The following WIPF1 variants were observed in gnomAD, a reference collection of about 807,000 sequenced individuals.
WIPF1 encodes WAS/WASL-interacting protein family member 1.
Under a neutral mutation model 35.4 loss-of-function variants are expected in WIPF1, and 13 were observed. The ratio of observed to expected loss-of-function variants is 0.37; its 90% CI spans 0.24 to 0.58. The LOEUF is 0.58. Ranked by LOEUF, WIPF1 falls within the 20% of genes least tolerant of loss-of-function variation. The pLI, the probability that WIPF1 is intolerant of heterozygous loss-of-function variation, is 0.74. For missense variants in WIPF1, 591 were observed against 667.0 expected, an observed-to-expected ratio of 0.89 and a Z score of 1.25; for synonymous variants, 267 against 266.3, an observed-to-expected ratio of 1.00 and a Z score of -0.02.
At chr2:174,651,726 C>T (rs766618358) in intron 1 of WIPF1, among the ~76,000 whole-genome samples, 59 of 152,242 alleles carry the variant, frequency 3.9e-4, no homozygotes, top group Non-Finnish European at 7.8e-4. Context: ...CAGTTATCTA[C>T]TGCTGCATAA....
chr2:174,651,390 C>T (rs755872861), intron 1 of WIPF1, among the ~76,000 whole-genome samples: 1 of 152,114 alleles, frequency 6.6e-6, no homozygotes, highest in African/African-American at 2.4e-5. Context: ...CATCACCGAG[C>T]AAAGTTGTTG....
rs1574778757 is a variant in WIPF1, at chr2:174,562,546, A to T, written c.*1T>A. ...CTTGGGTAGAGAAGAGCAGGCAAAGATCACCTCGGGATGGGAGGGAGTGGT... is the reference window on the plus strand; with the variant it reads ...CTTGGGTAGAGAAGAGCAGGCAAAGTTCACCTCGGGATGGGAGGGAGTGGT... On this transcript the variant is annotated 3_prime_UTR_variant, in exon 8 of 8. Transcript: ENST00000679041. 6.2e-7 allele frequency: 1 copy of T among 1,614,170 alleles called. No homozygotes were observed. The highest frequency in any genetic ancestry group is 8.5e-7 in the Non-Finnish European group (1 of 1,180,016).
chr2:174,633,808 C>T (rs1687102945), intron 1 of WIPF1, among the ~76,000 whole-genome samples: 1 of 152,164 alleles, frequency 6.6e-6, no homozygotes, highest in South Asian at 2.1e-4. Flanking sequence ...CTCTTCACGG[C>T]CTGCTGGGCT....
At chr2:174,597,064 A>G (rs1337700422) in intron 1 of WIPF1, among the ~76,000 whole-genome samples, 1 of 152,234 alleles carries the variant, frequency 6.6e-6, no homozygotes, top group East Asian at 1.9e-4. Flanking sequence ...GAATAGACTT[A>G]TTCTAAAAGA....
At chr2:174,578,002 T>C (rs984150098) in intron 3 of WIPF1, among the ~76,000 whole-genome samples, 3 of 152,216 alleles carry the variant, frequency 2.0e-5, no homozygotes, top group African/African-American at 7.2e-5. Flanking sequence ...TTTGGTATTT[T>C]AGTGTTCTCT....
At chr2:174,573,624 G>A (rs887214609) in intron 4 of WIPF1, among the ~76,000 whole-genome samples, 1 of 152,222 alleles carries the variant, frequency 6.6e-6, no homozygotes, top group Non-Finnish European at 1.5e-5. Context: ...AGATGAGGAA[G>A]ACCAGCACTT....
intron 7 of WIPF1, 125 bp from the exon 8 acceptor site, chr2:174,562,727 G>T: frequency 7.9e-7 from 1 of 1,262,980 alleles, no homozygotes; most frequent in Non-Finnish European, 1.1e-6. Flanking sequence ...TCAGCTAACT[G>T]GCGTATGTTG....
In WIPF1 at chr2:174,575,332, C is replaced by T. The variant is rs1685017269; in HGVS notation, c.230G>A (p.Gly77Asp). 1 of 1,613,672 alleles carries T rather than the reference C, an allele frequency of 6.2e-7. No homozygotes were observed. Among genetic ancestry groups the T allele is most frequent in the African/African-American group, 1.3e-5 (1 of 74,868 alleles). Residue 77 changes from glycine to aspartate, a missense_variant, in exon 4 of 8, where the codon GGC (glycine) becomes GAC (aspartate). By Grantham distance (94) the Gly-to-Asp change is moderately conservative. Transcript: ENST00000679041. ...AGGGGGGFGG[G>D]GGFGGGGGGG... is the part of the protein sequence containing the mutation. ...ACCACCTCCTCCGCCAAATCCGCCGCCTCCACCAAAGCCACCACCACCGCC... is the reference window on the plus strand; with the variant it reads ...ACCACCTCCTCCGCCAAATCCGCCGTCTCCACCAAAGCCACCACCACCGCC...
At chr2:174,573,507 G>C (rs1035875081) in intron 4 of WIPF1, among the ~76,000 whole-genome samples, 1 of 152,226 alleles carries the variant, frequency 6.6e-6, no homozygotes, top group South Asian at 2.1e-4. Flanking sequence ...AGGCCGATGA[G>C]ATCAAGAGTG....
intron 7 of WIPF1, among the ~76,000 whole-genome samples, chr2:174,565,192 G>T (rs1559144243): frequency 1.3e-5 from 2 of 152,052 alleles, no homozygotes; most frequent in Admixed American, 1.3e-4. Flanking sequence ...ACCGTGCCTG[G>T]CCTTCACTAA....
chr2:174,562,713 G>A, intron 7 of WIPF1, 111 bp from the exon 8 acceptor site: 6 of 1,398,304 alleles, frequency 4.3e-6, no homozygotes, highest in Non-Finnish European at 4.9e-6. Context: ...TATGACCAGG[G>A]CTGTCAGCTA....
chr2:174,666,827 G>A (rs922032599), intron 1 of WIPF1, among the ~76,000 whole-genome samples: 4 of 152,238 alleles, frequency 2.6e-5, no homozygotes, highest in Non-Finnish European at 5.9e-5. Context: ...AAGGCAGGGA[G>A]ACCACAGACA....
rs1009973411 is a variant in WIPF1, at chr2:174,561,478, A to C, written c.*1069T>G. On this transcript the variant is annotated 3_prime_UTR_variant, in exon 8 of 8. Transcript: ENST00000679041. Reference sequence around the variant, plus strand: ...GCGTGAGCCAGCTGGTTCTGAGCCCAGAAGTCCCGACAGGCTTTCCATTTG... The same window carrying C: ...GCGTGAGCCAGCTGGTTCTGAGCCCCGAAGTCCCGACAGGCTTTCCATTTG... 6.6e-6 allele frequency: 1 copy of C among 152,550 alleles called. No homozygotes were observed. Among genetic ancestry groups the C allele is most frequent in the East Asian group, 1.9e-4 (1 of 5,194 alleles). 9.4% of individuals were successfully genotyped at this position (152,550 alleles called of 1,614,324 possible).
chr2:174,622,334 A>C lies in WIPF1; in HGVS notation c.-38-36723T>G, dbSNP rs891609559. ...AACTCAACTAACCTAAAAAAATCTA[A>C]AGACATATTTAGTGTCATCCTAAGT... On this transcript the variant is annotated intron_variant, in intron 1 of 8. Coordinates refer to the WIPF1 transcript ENST00000272746. The surrounding 1 kb of genome is among the most constrained non-coding windows in gnomAD (Gnocchi z 5.1). Among the ~76,000 whole-genome samples, 2 of 152,222 alleles carry C rather than the reference A, an allele frequency of 1.3e-5. No individual in the cohort carries two copies. The highest frequency in any genetic ancestry group is 4.8e-5 in the African/African-American group (2 of 41,448).
At chr2:174,631,399 G>A (rs1687015706) in intron 1 of WIPF1, among the ~76,000 whole-genome samples, 1 of 152,106 alleles carries the variant, frequency 6.6e-6, no homozygotes, top group African/African-American at 2.4e-5. Flanking sequence ...ACTTATATGA[G>A]GTACCTAGAA....
At chr2:174,678,334 T>A (rs1408583698) in intron 1 of WIPF1, among the ~76,000 whole-genome samples, 1 of 152,222 alleles carries the variant, frequency 6.6e-6, no homozygotes, top group Admixed American at 6.5e-5. Flanking sequence ...ACCCTGCTTA[T>A]CAAGGCTAAC....
chr2:174,618,336 G>A (rs751558119), intron 1 of WIPF1, among the ~76,000 whole-genome samples: 18 of 152,208 alleles, frequency 1.2e-4, no homozygotes, highest in Admixed American at 9.2e-4. Context: ...TGTCTCAGAA[G>A]TATGAACTGA....
chr2:174,621,011 G>C (rs1686656012), intron 1 of WIPF1, among the ~76,000 whole-genome samples: 1 of 152,208 alleles, frequency 6.6e-6, no homozygotes, highest in Admixed American at 6.5e-5. Flanking sequence ...GTGTTCAGGA[G>C]TTTGGACTTC....
At chr2:174,585,899 A>T (rs1281628391) in intron 1 of WIPF1, among the ~76,000 whole-genome samples, 2 of 152,106 alleles carry the variant, frequency 1.3e-5, no homozygotes, top group African/African-American at 4.8e-5. Context: ...GGGCCCAGTT[A>T]AGCAGGAAGG....
Sources: allele counts gnomAD v4.1 joint callset (sites outside exome capture counted in the v4.1 genomes callset), GRCh38; gene constraint gnomAD v4.1.1; non-coding constraint Gnocchi (gnomAD v3.1); transcripts MANE v1.5; gene names NCBI Gene and HGNC (gene_info 2026-07-23, HGNC 2026-07-21).